ADARB2: variants seen among roughly 807,000 people sequenced by gnomAD.
The protein encoded by ADARB2 is inactive double-stranded RNA-specific editase B2.
A neutral mutation model predicts 62.2 loss-of-function variants in ADARB2; 25 were observed. The ratio of observed to expected loss-of-function variants is 0.40; its 90% CI spans 0.29 to 0.56. The LOEUF is 0.56. ADARB2 is among the 20% of genes least tolerant of loss of function. ADARB2 has a pLI of 0.43. For missense variants in ADARB2, 1,071 were observed against 1,077.4 expected (o/e 0.99, Z 0.08); for synonymous variants, 572 against 500.8 (o/e 1.14, Z -1.90).
At chr10:1,308,109 T>C (rs1263706655) in intron 3 of ADARB2, among the ~76,000 whole-genome samples, 1 of 151,352 alleles carries the variant, frequency 6.6e-6, no homozygotes, top group African/African-American at 2.4e-5. Flanking sequence ...AAAAAAAGTA[T>C]CTCCCACTGT....
chr10:1,262,923 C>T (rs978276431), intron 4 of ADARB2, among the ~76,000 whole-genome samples: 1 of 152,056 alleles, frequency 6.6e-6, no homozygotes, highest in African/African-American at 2.4e-5. Context: ...AAATGTGGCA[C>T]ATGTACACCA....
intron 1 of ADARB2, among the ~76,000 whole-genome samples, chr10:1,714,233 G>C (rs935646826): frequency 2.0e-5 from 3 of 152,240 alleles, no homozygotes; most frequent in African/African-American, 7.2e-5. Flanking sequence ...GGACGATTTA[G>C]ATTGCGTTCG....
chr10:1,339,678 A>G (rs940758939), intron 3 of ADARB2, among the ~76,000 whole-genome samples: 1 of 152,244 alleles, frequency 6.6e-6, no homozygotes, highest in Non-Finnish European at 1.5e-5. Flanking sequence ...AAAGCTGAGC[A>G]GCAGCGATCT....
At chr10:1,531,730 G>A (rs962518921) in intron 1 of ADARB2, among the ~76,000 whole-genome samples, 10 of 152,058 alleles carry the variant, frequency 6.6e-5, no homozygotes, top group Admixed American at 1.3e-4. Context: ...CTAGCTACTC[G>A]GGAGGCTGAG....
chr10:1,263,996 A>G, intron 4 of ADARB2, among the ~76,000 whole-genome samples: 1 of 152,174 alleles, frequency 6.6e-6, no homozygotes, highest in Admixed American at 6.5e-5. Flanking sequence ...TTATAGTTTA[A>G]ACCTAACAGT....
chr10:1,507,304 C>T (rs1258121215), intron 1 of ADARB2, among the ~76,000 whole-genome samples: 1 of 152,206 alleles, frequency 6.6e-6, no homozygotes, highest in Non-Finnish European at 1.5e-5. Flanking sequence ...GAGGGAACCT[C>T]AGGAGGCCCT....
At chr10:1,663,411 C>A (rs1002845774) in intron 1 of ADARB2, among the ~76,000 whole-genome samples, 1 of 152,220 alleles carries the variant, frequency 6.6e-6, no homozygotes, top group Non-Finnish European at 1.5e-5. Context: ...GCTGCCACTC[C>A]CGAAACGCCC....
At chr10:1,549,459 G>A (rs978652944) in intron 1 of ADARB2, among the ~76,000 whole-genome samples, 2 of 152,094 alleles carry the variant, frequency 1.3e-5, no homozygotes, top group East Asian at 1.9e-4. Context: ...GGAGGGAGAC[G>A]GGAGGAGGGT....
chr10:1,471,550 C>T (rs1831322599), intron 1 of ADARB2, among the ~76,000 whole-genome samples: 1 of 152,160 alleles, frequency 6.6e-6, no homozygotes, highest in Non-Finnish European at 1.5e-5. Flanking sequence ...GCCACCATGC[C>T]TGGCTAATTT....
chr10:1,650,654 G>T (rs1393213221), intron 1 of ADARB2, among the ~76,000 whole-genome samples: 1 of 152,178 alleles, frequency 6.6e-6, no homozygotes, highest in South Asian at 2.1e-4. Flanking sequence ...AATTAAACGG[G>T]CACATGACTC....
At position 1,287,871 on chromosome 10, in the gene ADARB2, G is replaced by A. The variant is rs181032363; in HGVS notation, c.1078-16802C>T. ...CTAAGCATTGTTTTCTGATCTAAGC[G>A]TTCCTTCCTCTCTGATTTCACAGCT... On this transcript the variant is annotated intron_variant, in intron 3 of 9. Coordinates refer to ENST00000381312, the MANE Select transcript of ADARB2 (RefSeq NM_018702.4). Among the ~76,000 whole-genome samples, 284 of 152,332 alleles carry A rather than the reference G, an allele frequency of 1.9e-3. 3 individuals are homozygous for A. In the Middle Eastern group the frequency reaches 0.031, roughly 16 times the overall value.
chr10:1,731,011 A>C (rs1171416288), intron 1 of ADARB2, among the ~76,000 whole-genome samples: 1 of 152,240 alleles, frequency 6.6e-6, no homozygotes, highest in Non-Finnish European at 1.5e-5. Context: ...TCCACAGTGC[A>C]TATGGAGGGC....
chr10:1,533,433 C>T (rs903253881), intron 1 of ADARB2, among the ~76,000 whole-genome samples: 8 of 135,434 alleles, frequency 5.9e-5, no homozygotes, highest in African/African-American at 1.0e-4. Context: ...CTTTTAATCA[C>T]GACCAAACAT....
rs1052107352 is a variant in ADARB2 at position 1,516,370 on chromosome 10, G to A, written c.101-137210C>T. On this transcript the variant is annotated intron_variant, in intron 1 of 9. Transcript: ENST00000381312. ...GGCGGCTTTCCCTGCTCCCTTTCCC[G>A]AGGTGCAGCTGGATTCAGAGCTTCC... 3.3e-5 allele frequency among the ~76,000 whole-genome samples: 5 copies of A among 152,178 alleles called. No individual in the cohort carries two copies. The East Asian group carries it at 9.6e-4, about 29-fold the overall frequency.
chr10:1,614,111 G>C (rs1218715422), intron 1 of ADARB2, among the ~76,000 whole-genome samples: 1 of 152,048 alleles, frequency 6.6e-6, no homozygotes, highest in African/African-American at 2.4e-5. Flanking sequence ...GAAAACCACC[G>C]AGGCTGTTAA....
At chr10:1,185,096 C>A in intron 8 of ADARB2, 57 bp from the exon 9 acceptor site, 1 of 1,559,680 alleles carries the variant, frequency 6.4e-7, no homozygotes, top group East Asian at 2.3e-5. Flanking sequence ...CACGGGGCTC[C>A]CCCAAGGGCA....
At chr10:1,423,273 C>T (rs1188947892) in intron 1 of ADARB2, among the ~76,000 whole-genome samples, 1 of 152,224 alleles carries the variant, frequency 6.6e-6, no homozygotes, top group Non-Finnish European at 1.5e-5. Context: ...TTCCTGAAAT[C>T]ACTGTCCTTC....
intron 1 of ADARB2, among the ~76,000 whole-genome samples, chr10:1,556,259 GTCTT>G (rs1832700210): frequency 1.8e-5 from 1 of 54,578 alleles, no homozygotes; most frequent in East Asian, 5.6e-4. Flanking sequence ...CAAACAAAAA[GTCTT>G]TTTTTTTTTT....
chr10:1,697,967 A>T (rs920021645), intron 1 of ADARB2, among the ~76,000 whole-genome samples: 1 of 152,236 alleles, frequency 6.6e-6, no homozygotes, highest in Non-Finnish European at 1.5e-5. Context: ...ATAGTTTCTT[A>T]TGCAGTTCTC....
Sources: allele counts gnomAD v4.1 joint callset (sites outside exome capture counted in the v4.1 genomes callset), GRCh38; gene constraint gnomAD v4.1.1; transcripts MANE v1.5; gene names NCBI Gene and HGNC (gene_info 2026-07-23, HGNC 2026-07-21).